Variants in RIMS2 observed in about 807,000 individuals in gnomAD.
The protein encoded by RIMS2 is regulating synaptic membrane exocytosis protein 2.
Under a neutral mutation model 174.4 loss-of-function variants are expected in RIMS2, and 59 were observed. That is an observed-to-expected ratio of 0.34 (90% CI 0.27 to 0.42). The LOEUF (loss-of-function observed/expected upper bound fraction) is 0.42. Ranked by LOEUF, RIMS2 falls within the 10% of genes least tolerant of loss-of-function variation. RIMS2 has a pLI of 1.00. For missense variants in RIMS2, 1,620 were observed against 1,666.3 expected, an observed-to-expected ratio of 0.97 and a Z score of 0.48; for synonymous variants, 606 against 572.5, an observed-to-expected ratio of 1.06 and a Z score of -0.84.
At chr8:104,137,939 C>G (rs555049304) in intron 19 of RIMS2, among the ~76,000 whole-genome samples, 1 of 152,016 alleles carries the variant, frequency 6.6e-6, no homozygotes, top group African/African-American at 2.4e-5. Context: ...CACCTGCCAC[C>G]GCCACTACCC....
At chr8:103,543,406 A>C (rs1843440914) in intron 1 of RIMS2, among the ~76,000 whole-genome samples, 1 of 152,180 alleles carries the variant, frequency 6.6e-6, no homozygotes, top group Non-Finnish European at 1.5e-5. Context: ...GAATTAGAAG[A>C]ATTAATATTG....
intron 19 of RIMS2, among the ~76,000 whole-genome samples, chr8:104,191,002 A>T (rs2098994919): frequency 2.0e-5 from 3 of 151,666 alleles, no homozygotes; most frequent in Admixed American, 6.6e-5. Flanking sequence ...GGTGATAAAG[A>T]TAGAATCAAG....
intron 1 of RIMS2, among the ~76,000 whole-genome samples, chr8:103,566,367 C>T (rs970761506): frequency 1.3e-5 from 2 of 152,160 alleles, no homozygotes; most frequent in Admixed American, 6.5e-5. Context: ...AAAGGGCTCT[C>T]TTTCTCAGTT....
intron 13 of RIMS2, among the ~76,000 whole-genome samples, chr8:103,942,042 A>G (rs534043963): frequency 2.0e-5 from 3 of 152,304 alleles, no homozygotes; most frequent in South Asian, 4.1e-4. Context: ...GGTTTGTTAC[A>G]TGGGTAAACA....
At chr8:103,936,668 T>A in exon 13 of RIMS2, 1 of 1,611,454 alleles carries the variant, frequency 6.2e-7, no homozygotes, top group South Asian at 1.1e-5. Flanking sequence ...TGCTAGAGAT[T>A]ACCCTTTGGG....
intron 19 of RIMS2, among the ~76,000 whole-genome samples, chr8:104,153,611 G>A (rs1276735174): frequency 2.0e-5 from 3 of 152,064 alleles, no homozygotes; most frequent in African/African-American, 4.8e-5. Flanking sequence ...GTAGATCAAA[G>A]CTAAGGATGT....
intron 19 of RIMS2, among the ~76,000 whole-genome samples, chr8:104,197,963 TA>T (rs1246510068): frequency 3.3e-5 from 5 of 151,446 alleles, no homozygotes; most frequent in Non-Finnish European, 5.9e-5. Flanking sequence ...AAAATAATAA[TA>T]ATAATAATAA....
intron 1 of RIMS2, among the ~76,000 whole-genome samples, chr8:103,598,559 C>A (rs566436751): frequency 8.5e-5 from 13 of 152,108 alleles, no homozygotes; most frequent in Non-Finnish European, 1.5e-4. Flanking sequence ...CAAGTGGCAG[C>A]AAGTGGTTAA....
At chr8:103,608,599 G>A (rs949308705) in intron 1 of RIMS2, among the ~76,000 whole-genome samples, 14 of 150,016 alleles carry the variant, frequency 9.3e-5, no homozygotes, top group Admixed American at 2.0e-4. Context: ...CCTCGCTGCC[G>A]CCTTGCAGTT....
chr8:103,506,425 C>T (rs990005586), intron 1 of RIMS2, among the ~76,000 whole-genome samples: 1 of 152,002 alleles, frequency 6.6e-6, no homozygotes, highest in Non-Finnish European at 1.5e-5. Flanking sequence ...ATAATGGTAA[C>T]GTTTTGCTTA....
At chr8:103,602,210 A>G (rs1438025094) in intron 1 of RIMS2, among the ~76,000 whole-genome samples, 1 of 151,878 alleles carries the variant, frequency 6.6e-6, no homozygotes, top group African/African-American at 2.4e-5. Flanking sequence ...GATGGTCTCA[A>G]TCTCCTGACC....
intron 19 of RIMS2, among the ~76,000 whole-genome samples, chr8:104,018,714 A>G (rs1221656740): frequency 1.3e-5 from 2 of 152,330 alleles, no homozygotes; most frequent in East Asian, 1.9e-4. Flanking sequence ...TGAATCTAGT[A>G]GAAGCAAATT....
At chr8:104,248,913 T>TCTCTCTCTCTCTCTCTCTCTA (rs1563995464) in intron 21 of RIMS2, 100 bp downstream of exon 27, 1 of 536,676 alleles carries the variant, frequency 1.9e-6, no homozygotes, top group Non-Finnish European at 3.2e-6. Flanking sequence ...CTCTCTCTCT[T>TCTCTCTCTCTCTCTCTCTCTA]TCCCTCTCTC....
intron 15 of RIMS2, among the ~76,000 whole-genome samples, chr8:103,970,345 C>A (rs1319170455): frequency 6.6e-6 from 1 of 152,152 alleles, no homozygotes; most frequent in Non-Finnish European, 1.5e-5. Flanking sequence ...TATTTCCCTT[C>A]TCCCAGATTG....
At chr8:103,605,848 C>A (rs1256531653) in intron 1 of RIMS2, among the ~76,000 whole-genome samples, 1 of 151,190 alleles carries the variant, frequency 6.6e-6, no homozygotes. Context: ...GTGGTGATAT[C>A]CCCTTTATCA....
chr8:103,947,939 T>C (rs1371995658), intron 14 of RIMS2, among the ~76,000 whole-genome samples: 1 of 152,182 alleles, frequency 6.6e-6, no homozygotes, highest in Non-Finnish European at 1.5e-5. Context: ...TTGTGAGTCA[T>C]ATATTTGACA....
At chr8:104,170,221 G>A (rs1407712182) in intron 19 of RIMS2, among the ~76,000 whole-genome samples, 1 of 151,950 alleles carries the variant, frequency 6.6e-6, no homozygotes, top group Non-Finnish European at 1.5e-5. Context: ...TTTTGTTGTT[G>A]TTGACTTTCC....
chr8:103,818,865 A>G (rs1014277804), intron 3 of RIMS2, among the ~76,000 whole-genome samples: 2 of 152,162 alleles, frequency 1.3e-5, no homozygotes, highest in African/African-American at 4.8e-5. Flanking sequence ...AATGCAGATG[A>G]TAAATGCTCT....
chr8:103,941,319 A>G (rs1439291381), intron 13 of RIMS2, among the ~76,000 whole-genome samples: 2 of 152,024 alleles, frequency 1.3e-5, no homozygotes, highest in Admixed American at 1.3e-4. Flanking sequence ...CCCATGTCTA[A>G]AAATAAATAA....
Sources: gnomAD v4.1 joint callset for allele counts (sites outside exome capture counted in the v4.1 genomes callset) on GRCh38, gnomAD v4.1.1 for gene constraint, MANE v1.5 for transcripts, NCBI Gene and HGNC (gene_info 2026-07-23, HGNC 2026-07-21) for gene names.